The following GNA14 variants were observed in gnomAD, a reference collection of about 807,000 sequenced individuals.
GNA14 encodes guanine nucleotide-binding protein subunit alpha-14.
A neutral mutation model predicts 42.0 loss-of-function variants in GNA14; 50 were observed. The ratio of observed to expected loss-of-function variants is 1.19; its 90% CI spans 0.95 to 1.51. GNA14 has a LOEUF of 1.51. GNA14 is among the 40% of genes most tolerant of loss of function. The probability of loss-of-function intolerance (pLI) is 0.00; values close to 1 mark genes in which losing one functional copy is unlikely to be tolerated. For missense variants in GNA14, 473 were observed against 446.2 expected (o/e 1.06, Z -0.54); for synonymous variants, 173 against 163.1 (o/e 1.06, Z -0.46).
At position 77,428,842 on chromosome 9, in the gene GNA14, C is replaced by A; in HGVS notation, c.723+65G>T. The A allele has an allele frequency of 3.9e-6, 6 of 1,549,430 alleles. No individual in the cohort carries two copies. The South Asian group carries it at 7.2e-5, about 19-fold the overall frequency. ...GAGGGTCTATTTCCTGACCCGGCTGCCTTCTTAGAAACCACAGAATAGGCT... is the reference window on the plus strand; with the variant it reads ...GAGGGTCTATTTCCTGACCCGGCTGACTTCTTAGAAACCACAGAATAGGCT... On this transcript the variant is annotated intron_variant, in intron 5 of 6. Transcript: ENST00000341700.
chr9:77,531,553 T>C (rs1837529144), intron 1 of GNA14, among the ~76,000 whole-genome samples: 1 of 152,206 alleles, frequency 6.6e-6, no homozygotes, highest in African/African-American at 2.4e-5. Flanking sequence ...AGAGTTGAGC[T>C]ACAATCCAGT....
Position 77,589,078 on chromosome 9 carries a change from C to T in GNA14, c.124+58592G>A, listed in dbSNP as rs193182035. ...GACCCTTCAATGTATTTTTAAAAATCAAACTTGGAATCACAGCACTTTTGT... is the reference window on the plus strand; with the variant it reads ...GACCCTTCAATGTATTTTTAAAAATTAAACTTGGAATCACAGCACTTTTGT... On this transcript the variant is annotated intron_variant, in intron 1 of 6. Transcript: ENST00000341700. Among the ~76,000 whole-genome samples the T allele has an allele frequency of 3.3e-5, 5 of 152,282 alleles. No homozygotes were observed. The East Asian group carries it at 7.7e-4, about 23-fold the overall frequency.
chr9:77,600,056 AC>A (rs1823532300), intron 1 of GNA14, among the ~76,000 whole-genome samples: 1 of 151,482 alleles, frequency 6.6e-6, no homozygotes. Flanking sequence ...TCATTTGTAC[AC>A]CATATATTGA....
At chr9:77,489,074 A>T (rs1200376749) in intron 2 of GNA14, among the ~76,000 whole-genome samples, 1 of 152,144 alleles carries the variant, frequency 6.6e-6, no homozygotes, top group Non-Finnish European at 1.5e-5. Flanking sequence ...TTGAACACAG[A>T]GATTAAAATA....
chr9:77,436,432 G>T (rs1168012088), intron 2 of GNA14, among the ~76,000 whole-genome samples: 1 of 152,186 alleles, frequency 6.6e-6, no homozygotes, highest in African/African-American at 2.4e-5. Context: ...TGTAGCAGAT[G>T]TCTAATAAGT....
intron 1 of GNA14, among the ~76,000 whole-genome samples, chr9:77,534,505 C>T (rs1837570368): frequency 6.6e-6 from 1 of 152,298 alleles, no homozygotes; most frequent in East Asian, 1.9e-4. Flanking sequence ...AGAGCCAAAG[C>T]AGGCTGATAA....
intron 2 of GNA14, among the ~76,000 whole-genome samples, chr9:77,467,641 G>A (rs960304117): frequency 1.1e-4 from 14 of 123,806 alleles, no homozygotes; most frequent in African/African-American, 2.8e-4. Context: ...GCAGAACTGC[G>A]GAGCTCTCCT....
intron 2 of GNA14, among the ~76,000 whole-genome samples, chr9:77,439,667 G>A (rs1835698533): frequency 6.6e-6 from 1 of 152,166 alleles, no homozygotes; most frequent in Non-Finnish European, 1.5e-5. Context: ...TGACCCAAAA[G>A]AGTGGAGTTT....
chr9:77,565,607 G>A (rs999068911), intron 1 of GNA14, among the ~76,000 whole-genome samples: 6 of 152,040 alleles, frequency 3.9e-5, no homozygotes, highest in Admixed American at 2.0e-4. Context: ...ACAGGCATGC[G>A]CCGCCATGCC....
chr9:77,514,463 T>G (rs570717819), intron 2 of GNA14, among the ~76,000 whole-genome samples: 31 of 152,114 alleles, frequency 2.0e-4, no homozygotes, highest in Non-Finnish European at 4.0e-4. Context: ...GAACTCTTGG[T>G]CTGAAGTGGG....
intron 2 of GNA14, among the ~76,000 whole-genome samples, chr9:77,468,245 A>G (rs760713160): frequency 6.6e-6 from 1 of 152,222 alleles, no homozygotes; most frequent in Non-Finnish European, 1.5e-5. Flanking sequence ...ACTGGCATAT[A>G]GTAGATTTTC....
chr9:77,434,396 CCCT>C lies in GNA14; in HGVS notation c.433_435del (p.Arg145del). 2 of 1,614,058 alleles carry C rather than the reference CCCT, an allele frequency of 1.2e-6. No homozygotes were observed. Among genetic ancestry groups the C allele is most frequent in the African/African-American group, 1.3e-5 (1 of 75,058 alleles). On this transcript the variant is annotated inframe_deletion, in exon 3 of 7. Coordinates refer to ENST00000341700, the MANE Select transcript of GNA14 (RefSeq NM_004297.4). ...TTGGCAGAGTCCGACAGCTGGTACT[CCCT>C]CCTCCTGTCGTAACACTCCTGGATG...
intron 2 of GNA14, among the ~76,000 whole-genome samples, chr9:77,438,466 A>C (rs1835674566): frequency 6.6e-6 from 1 of 151,802 alleles, no homozygotes; most frequent in Non-Finnish European, 1.5e-5. Flanking sequence ...CGGGGTTTCA[A>C]CATGTTGGAC....
At chr9:77,576,554 T>C (rs1343164613) in intron 1 of GNA14, among the ~76,000 whole-genome samples, 1 of 152,142 alleles carries the variant, frequency 6.6e-6, no homozygotes, top group African/African-American at 2.4e-5. Context: ...TGTAGCTTCA[T>C]AAAAAATGGG....
chr9:77,462,447 G>A (rs1357986241), intron 2 of GNA14, among the ~76,000 whole-genome samples: 1 of 152,142 alleles, frequency 6.6e-6, no homozygotes, highest in Non-Finnish European at 1.5e-5. Context: ...CAGGCTGGGC[G>A]CAGTGGCTCA....
rs1442720843 is a variant in GNA14 at position 77,612,387 on chromosome 9, C to A, written c.124+35283G>T. On this transcript the variant is annotated intron_variant, in intron 1 of 6. Transcript: ENST00000341700. ...ATCCTTTTCCAGACATCATTCCTAC[C>A]AAGCCTGCAGGGAAAGTAGCTCCAA... Among the ~76,000 whole-genome samples the A allele has an allele frequency of 9.2e-5, 14 of 152,138 alleles. No individual in the cohort carries two copies. The East Asian group carries it at 2.7e-3, about 29-fold the overall frequency.
At chr9:77,613,438 T>A (rs1823762759) in intron 1 of GNA14, among the ~76,000 whole-genome samples, 1 of 152,226 alleles carries the variant, frequency 6.6e-6, no homozygotes, top group Non-Finnish European at 1.5e-5. Context: ...GTTTCAGTTA[T>A]GCAAGATAAA....
intron 1 of GNA14, among the ~76,000 whole-genome samples, chr9:77,612,526 A>C (rs1823750328): frequency 6.6e-6 from 1 of 152,172 alleles, no homozygotes; most frequent in South Asian, 2.1e-4. Flanking sequence ...GCAAATACTA[A>C]AACCTAAAAT....
Position 77,442,097 on chromosome 9 carries a change from T to G in GNA14, c.310-7575A>C, listed in dbSNP as rs188294588. On this transcript the variant is annotated intron_variant, in intron 2 of 6. Coordinates refer to ENST00000341700, the MANE Select transcript of GNA14 (RefSeq NM_004297.4). Reference sequence around the variant, plus strand: ...TAGTAGAAAGCTAATGCAGGCCTGGTGCAGTGGCTCATGCCTATAATCCCA... The same window carrying G: ...TAGTAGAAAGCTAATGCAGGCCTGGGGCAGTGGCTCATGCCTATAATCCCA... Among the ~76,000 whole-genome samples, 264 of 152,300 alleles carry G rather than the reference T, an allele frequency of 1.7e-3. 2 individuals are homozygous for G. The highest frequency in any genetic ancestry group is 0.01 in the Middle Eastern group (3 of 294).
Sources: gnomAD v4.1 joint callset for allele counts (sites outside exome capture counted in the v4.1 genomes callset) on GRCh38, gnomAD v4.1.1 for gene constraint, MANE v1.5 for transcripts, NCBI Gene and HGNC (gene_info 2026-07-23, HGNC 2026-07-21) for gene names.